The following CDH4 variants were observed in gnomAD, a reference collection of about 807,000 sequenced individuals.
The protein encoded by CDH4 is cadherin-4.
In CDH4, 33 loss-of-function variants were observed where a neutral mutation model predicts 86.0. That is an observed-to-expected ratio of 0.38 (90% confidence interval 0.29 to 0.51). The LOEUF (loss-of-function observed/expected upper bound fraction) is 0.51, where lower values mean the gene tolerates loss of function less well. CDH4 is among the 20% of genes least tolerant of loss of function. CDH4 has a pLI of 0.86. For synonymous variants in CDH4, 555 were observed against 549.4 expected (o/e 1.01, Z -0.14); for missense variants, 1,114 against 1,307.4 (o/e 0.85, Z 2.28).
chr20:61,612,013 G>A (rs759417984), intron 2 of CDH4, among the ~76,000 whole-genome samples: 4 of 152,080 alleles, frequency 2.6e-5, no homozygotes, highest in Non-Finnish European at 4.4e-5. Context: ...GTTTTGCAAA[G>A]GTTTCTTGGA....
chr20:61,631,580 G>A (rs1471329559), intron 2 of CDH4, among the ~76,000 whole-genome samples: 2 of 152,176 alleles, frequency 1.3e-5, no homozygotes, highest in African/African-American at 4.8e-5. Flanking sequence ...GGGGGCAGAG[G>A]TTGCAGTGAG....
At chr20:61,349,885 G>A (rs1462845718) in intron 2 of CDH4, among the ~76,000 whole-genome samples, 6 of 152,180 alleles carry the variant, frequency 3.9e-5, no homozygotes, top group Non-Finnish European at 8.8e-5. Flanking sequence ...CACCCCCGGG[G>A]CAGGGCAGCT....
chr20:61,499,286 G>T, intron 2 of CDH4: 2 of 396,304 alleles, frequency 5.0e-6, no homozygotes, highest in Non-Finnish European at 9.5e-6. Context: ...CACAGCCCCG[G>T]ACCTTCATGC....
intron 2 of CDH4, among the ~76,000 whole-genome samples, chr20:61,609,423 T>A (rs528802330): frequency 6.6e-6 from 1 of 152,180 alleles, no homozygotes; most frequent in South Asian, 2.1e-4. Flanking sequence ...TGCCTAGATC[T>A]GCAGAAGGTT....
At chr20:61,713,316 C>A (rs905336998) in intron 2 of CDH4, among the ~76,000 whole-genome samples, 4 of 151,956 alleles carry the variant, frequency 2.6e-5, no homozygotes, top group African/African-American at 4.8e-5. Context: ...TGTCTCCACT[C>A]CCCCCCAGAC....
chr20:61,824,217 T>C (rs1223564260), intron 4 of CDH4, among the ~76,000 whole-genome samples: 2 of 152,160 alleles, frequency 1.3e-5, no homozygotes, highest in Non-Finnish European at 2.9e-5. Flanking sequence ...ATTGTCTCCA[T>C]TGTCAAGTAC....
chr20:61,577,930 T>G (rs1315054846), intron 2 of CDH4, among the ~76,000 whole-genome samples: 1 of 152,138 alleles, frequency 6.6e-6, no homozygotes, highest in Admixed American at 6.5e-5. Context: ...TTCATTTCTC[T>G]CCTTAATGTC....
chr20:61,832,723 T>A (rs1186737747), intron 4 of CDH4, among the ~76,000 whole-genome samples: 1 of 152,030 alleles, frequency 6.6e-6, no homozygotes. Flanking sequence ...CCACCAGGTC[T>A]CCCTCTCAAC....
intron 2 of CDH4, among the ~76,000 whole-genome samples, chr20:61,420,217 C>T (rs1295075556): frequency 1.3e-5 from 2 of 152,242 alleles, no homozygotes; most frequent in Admixed American, 6.5e-5. Flanking sequence ...AAGCCTCCCT[C>T]TGCAGGCAGC....
chr20:61,793,326 G>A (rs1159803172), intron 4 of CDH4, among the ~76,000 whole-genome samples: 1 of 148,708 alleles, frequency 6.7e-6, no homozygotes, highest in African/African-American at 2.6e-5. Context: ...TTAGTTCTTG[G>A]CGACAAAAAA....
At chr20:61,378,338 G>A (rs1420324411) in intron 2 of CDH4, among the ~76,000 whole-genome samples, 2 of 152,200 alleles carry the variant, frequency 1.3e-5, no homozygotes, top group African/African-American at 2.4e-5. Flanking sequence ...TGGGGCTGCT[G>A]TGGTCACCAA....
At chr20:61,759,959 G>C (rs1203281114) in intron 3 of CDH4, among the ~76,000 whole-genome samples, 1 of 152,216 alleles carries the variant, frequency 6.6e-6, no homozygotes, top group Non-Finnish European at 1.5e-5. Context: ...GTGCAGCCCG[G>C]CCAGGACCGA....
At chr20:61,345,825 A>G (rs6015955) in intron 2 of CDH4, among the ~76,000 whole-genome samples, 30,090 of 152,106 alleles carry the variant, frequency 0.2, 2,952 homozygotes, top group Middle Eastern at 0.35. Flanking sequence ...AACCCCTGCC[A>G]CTGGCAGGAA....
At chr20:61,398,495 A>C (rs1302268885) in intron 2 of CDH4, among the ~76,000 whole-genome samples, 1 of 152,226 alleles carries the variant, frequency 6.6e-6, no homozygotes, top group Non-Finnish European at 1.5e-5. Flanking sequence ...TGAAATCTGC[A>C]GAGCAGGCTG....
At chr20:61,587,298 G>T (rs2086485057) in intron 2 of CDH4, among the ~76,000 whole-genome samples, 1 of 152,072 alleles carries the variant, frequency 6.6e-6, no homozygotes, top group South Asian at 2.1e-4. Flanking sequence ...ACTGTCAAGG[G>T]GGATGCTCTT....
chr20:61,383,766 GAT>G (rs374880184), intron 2 of CDH4, among the ~76,000 whole-genome samples: 2,129 of 51,988 alleles, frequency 0.041, 139 homozygotes, highest in African/African-American at 0.2. Flanking sequence ...TATATATGAA[GAT>G]ATATATGCAT....
chr20:61,530,929 G>A (rs528605551), intron 2 of CDH4, among the ~76,000 whole-genome samples: 20 of 152,270 alleles, frequency 1.3e-4, no homozygotes, highest in African/African-American at 4.1e-4. Context: ...CAGCTGCTCC[G>A]AGGCCCTGGC....
intron 2 of CDH4, among the ~76,000 whole-genome samples, chr20:61,541,085 G>A (rs531450365): frequency 2.8e-4 from 43 of 152,250 alleles, no homozygotes; most frequent in African/African-American, 8.9e-4. Flanking sequence ...CCGTGTGCTC[G>A]GAGACTTCCA....
intron 2 of CDH4, among the ~76,000 whole-genome samples, chr20:61,565,284 G>A (rs1205045992): frequency 1.0e-5 from 1 of 97,784 alleles, no homozygotes. Flanking sequence ...CTTGGTGATG[G>A]GGTGATGGTG....
Sources: allele counts gnomAD v4.1 joint callset (sites outside exome capture counted in the v4.1 genomes callset), GRCh38; gene constraint gnomAD v4.1.1; transcripts MANE v1.5; gene names NCBI Gene and HGNC (gene_info 2026-07-23, HGNC 2026-07-21).